LSAMP: variants seen among roughly 807,000 people sequenced by gnomAD.
The protein encoded by LSAMP is limbic system-associated membrane protein.
LSAMP carries 7 observed loss-of-function variants against 38.6 expected under a neutral mutation model. The observed-to-expected ratio is 0.18, with a 90% confidence interval of 0.10 to 0.34. The LOEUF (loss-of-function observed/expected upper bound fraction) is 0.34. Among genes scored for constraint, LSAMP ranks in the 10% least tolerant of loss-of-function variants. The pLI is 1.00. For synonymous variants in LSAMP, 154 were observed against 166.8 expected, an observed-to-expected ratio of 0.92 and a Z score of 0.59; for missense variants, 313 against 420.0, an observed-to-expected ratio of 0.75 and a Z score of 2.23.
At chr3:116,113,404 ATATATATATATATATATTTT>A (rs1341632948) in intron 1 of LSAMP, among the ~76,000 whole-genome samples, 1 of 66,980 alleles carries the variant, frequency 1.5e-5, no homozygotes, top group Non-Finnish European at 2.9e-5. Context: ...TTTGCCCTAT[ATATATATATATATATATTTT>A]TTTTTTTTTT....
chr3:115,879,876 A>G (rs973056972), intron 3 of LSAMP, among the ~76,000 whole-genome samples: 4 of 152,162 alleles, frequency 2.6e-5, no homozygotes, highest in Non-Finnish European at 5.9e-5. Context: ...GGTAATCCCT[A>G]TATCACAGAT....
chr3:116,195,954 C>T (rs764085450), intron 1 of LSAMP, among the ~76,000 whole-genome samples: 8 of 151,996 alleles, frequency 5.3e-5, no homozygotes, highest in Non-Finnish European at 7.4e-5. Context: ...AGATTCATTG[C>T]CCTAAAAATG....
intron 1 of LSAMP, among the ~76,000 whole-genome samples, chr3:116,257,134 C>T (rs1321235675): frequency 6.6e-6 from 1 of 152,120 alleles, no homozygotes; most frequent in African/African-American, 2.4e-5. Context: ...AGAGGATGCC[C>T]TTCAGCCTTA....
chr3:116,420,854 G>A (rs1464991734), intron 1 of LSAMP, among the ~76,000 whole-genome samples: 2 of 152,196 alleles, frequency 1.3e-5, no homozygotes, highest in Non-Finnish European at 2.9e-5. Flanking sequence ...TCTAGCATGG[G>A]TGACAGAGAG....
intron 1 of LSAMP, among the ~76,000 whole-genome samples, chr3:116,385,158 A>T (rs2048608620): frequency 6.6e-6 from 1 of 152,058 alleles, no homozygotes; most frequent in Admixed American, 6.6e-5. Flanking sequence ...CGCTATGTTT[A>T]TATGACTCTT....
intron 1 of LSAMP, among the ~76,000 whole-genome samples, chr3:116,148,324 T>C (rs1307167084): frequency 6.6e-6 from 1 of 151,978 alleles, no homozygotes; most frequent in Non-Finnish European, 1.5e-5. Context: ...AACACTTATA[T>C]AATGTCACAC....
intron 1 of LSAMP, among the ~76,000 whole-genome samples, chr3:116,296,638 T>A (rs1457961372): frequency 7.7e-6 from 1 of 129,826 alleles, no homozygotes; most frequent in African/African-American, 3.0e-5. Flanking sequence ...GAGCTTGCAG[T>A]GAGCCCAGAT....
intron 1 of LSAMP, among the ~76,000 whole-genome samples, chr3:116,123,941 T>C (rs958526962): frequency 9.2e-5 from 14 of 152,248 alleles, no homozygotes; most frequent in African/African-American, 2.6e-4. Flanking sequence ...TTCCTTACCA[T>C]GAAGATATGA....
intron 1 of LSAMP, among the ~76,000 whole-genome samples, chr3:116,315,860 C>A (rs1046311720): frequency 6.6e-5 from 10 of 152,110 alleles, no homozygotes; most frequent in Admixed American, 6.5e-4. Flanking sequence ...AATTTGTGTC[C>A]TGGATGTACT....
chr3:116,043,280 C>A (rs1186590936), intron 2 of LSAMP, among the ~76,000 whole-genome samples: 1 of 152,132 alleles, frequency 6.6e-6, no homozygotes, highest in Non-Finnish European at 1.5e-5. Context: ...TAGGTGATTG[C>A]AGACAAGGGT....
At chr3:115,886,282 ATAAAAT>A (rs1335888209) in intron 3 of LSAMP, among the ~76,000 whole-genome samples, 2 of 151,976 alleles carry the variant, frequency 1.3e-5, no homozygotes, top group Non-Finnish European at 2.9e-5. Flanking sequence ...CAACTGACAC[ATAAAAT>A]TAAACAGTGC....
intron 1 of LSAMP, among the ~76,000 whole-genome samples, chr3:116,207,019 T>C (rs1243670210): frequency 1.3e-5 from 2 of 151,214 alleles, no homozygotes; most frequent in Non-Finnish European, 3.0e-5. Flanking sequence ...AAGTCTCCCA[T>C]TATTAATGTG....
intron 1 of LSAMP, among the ~76,000 whole-genome samples, chr3:116,140,103 G>A (rs779197261): frequency 1.3e-5 from 2 of 151,932 alleles, no homozygotes; most frequent in African/African-American, 2.4e-5. Context: ...ATGGTCTTAG[G>A]TCCTATAATC....
chr3:116,097,821 G>A (rs1197951227), intron 1 of LSAMP, among the ~76,000 whole-genome samples: 3 of 151,472 alleles, frequency 2.0e-5, no homozygotes, highest in Admixed American at 1.3e-4. Context: ...CTGCAACCTC[G>A]GCCTCCTGGG....
At chr3:116,410,739 A>T (rs894552611) in intron 1 of LSAMP, among the ~76,000 whole-genome samples, 1 of 152,034 alleles carries the variant, frequency 6.6e-6, no homozygotes, top group Non-Finnish European at 1.5e-5. Flanking sequence ...TCTCCTCTTC[A>T]TTCCTTGCCC....
Position 116,349,998 on chromosome 3 carries a change from A to C in LSAMP, c.155+94879T>G, listed in dbSNP as rs2048115385. 2.6e-5 allele frequency among the ~76,000 whole-genome samples: 4 copies of C among 152,218 alleles called. No homozygotes were observed. In the South Asian group the frequency reaches 8.3e-4, roughly 32 times the overall value. On this transcript the variant is annotated intron_variant, in intron 1 of 6. Transcript: ENST00000490035. ...TGAATGTATTACATTTAATTACTTC[A>C]GGGAGGCTACATGTTGGGGATGTAA...
intron 1 of LSAMP, among the ~76,000 whole-genome samples, chr3:116,179,984 A>G (rs1040227440): frequency 1.3e-5 from 2 of 152,218 alleles, no homozygotes; most frequent in Non-Finnish European, 2.9e-5. Context: ...TGTTCTAAGT[A>G]CTTATAACAT....
chr3:116,135,343 T>G (rs1471477770), intron 1 of LSAMP, among the ~76,000 whole-genome samples: 2 of 152,306 alleles, frequency 1.3e-5, no homozygotes, highest in East Asian at 3.9e-4. Context: ...CAAGGCATTA[T>G]CTATGTTAAT....
chr3:115,860,442 C>T (rs893602586), intron 3 of LSAMP, among the ~76,000 whole-genome samples: 1 of 152,152 alleles, frequency 6.6e-6, no homozygotes, highest in Non-Finnish European at 1.5e-5. Context: ...TGCTTTATTT[C>T]TTTCTTTCAA....
Sources: gnomAD v4.1 joint callset for allele counts (sites outside exome capture counted in the v4.1 genomes callset) on GRCh38, gnomAD v4.1.1 for gene constraint, MANE v1.5 for transcripts, NCBI Gene and HGNC (gene_info 2026-07-23, HGNC 2026-07-21) for gene names.